FMN1: variants seen among roughly 807,000 people sequenced by gnomAD.
FMN1 encodes formin 1.
FMN1 carries 110 observed loss-of-function variants against 132.4 expected under a neutral mutation model. The observed-to-expected ratio is 0.83, with a 90% CI of 0.71 to 0.97. The LOEUF (loss-of-function observed/expected upper bound fraction) is 0.97. Ranked by LOEUF, FMN1 falls within the 50% of genes least tolerant of loss-of-function variation. FMN1 has a pLI of 0.00. For missense variants in FMN1, 1,792 were observed against 1,705.3 expected (o/e 1.05, Z -0.90); for synonymous variants, 722 against 651.7 (o/e 1.11, Z -1.64).
chr15:32,884,482 C>A (rs1953740047), intron 16 of FMN1, among the ~76,000 whole-genome samples: 1 of 152,142 alleles, frequency 6.6e-6, no homozygotes, highest in Admixed American at 6.5e-5. Flanking sequence ...TAGATTAGGC[C>A]CACTTGGACG....
chr15:32,921,038 T>C (rs1488068458), intron 10 of FMN1, among the ~76,000 whole-genome samples: 1 of 152,154 alleles, frequency 6.6e-6, no homozygotes, highest in South Asian at 2.1e-4. Context: ...GTGAGCAGTC[T>C]CCTTCTCAGA....
At chr15:33,150,679 T>A in intron 4 of FMN1, 1 of 985,538 alleles carries the variant, frequency 1.0e-6, no homozygotes, top group Non-Finnish European at 1.2e-6. Context: ...GTCTTCCAAC[T>A]GGAAACAGAT....
rs1452691069 is a variant in FMN1, at chr15:32,770,815, A to G, written c.*3495T>C. On this transcript the variant is annotated 3_prime_UTR_variant, in exon 21 of 21. Transcript: ENST00000616417. ...TAGCTCCACTGGGTTTCCTTATTCC[A>G]CTTCTCAGATTTCAGAAAATCTTTA... 1.3e-5 allele frequency: 2 copies of G among 151,090 alleles called. No homozygotes were observed. The highest frequency in any genetic ancestry group is 4.8e-5 in the African/African-American group (2 of 41,354). 9.4% of individuals were successfully genotyped at this position (151,090 alleles called of 1,614,324 possible).
intron 15 of FMN1, 79 bp downstream of exon 15, chr15:32,898,755 T>C: frequency 3.3e-6 from 3 of 922,912 alleles, no homozygotes; most frequent in South Asian, 1.4e-5. Flanking sequence ...AGTTCGTTCA[T>C]CCATCTATCC....
At chr15:33,108,008 G>T (rs2039551265) in intron 4 of FMN1, among the ~76,000 whole-genome samples, 1 of 152,044 alleles carries the variant, frequency 6.6e-6, no homozygotes, top group African/African-American at 2.4e-5. Context: ...CGTGTTATTG[G>T]GAGTGAGGGA....
Position 32,831,588 on chromosome 15 carries a change from T to A in FMN1, c.3928+25427A>T, listed in dbSNP as rs116115449. 7.8e-3 allele frequency among the ~76,000 whole-genome samples: 1,186 copies of A among 152,172 alleles called. 25 individuals carry two copies. Among genetic ancestry groups the A allele is most frequent in the African/African-American group, 0.028 (1,143 of 41,480 alleles). ...GTGGGGTGGGGAGGTTGGTATTGCA[T>A]AGGTCCAGGGAGGCAATCATGAGAC... is the stretch of plus-strand genomic sequence containing the variant. On this transcript the variant is annotated intron_variant, in intron 17 of 20. Transcript: ENST00000616417.
At chr15:33,014,772 C>G (rs967079827) in intron 6 of FMN1, among the ~76,000 whole-genome samples, 10 of 152,178 alleles carry the variant, frequency 6.6e-5, no homozygotes, top group African/African-American at 1.9e-4. Flanking sequence ...AAACATCCTT[C>G]CTGCCAGGTG....
intron 5 of FMN1, among the ~76,000 whole-genome samples, chr15:33,073,733 T>C (rs1182516205): frequency 1.1e-5 from 1 of 91,500 alleles, no homozygotes; most frequent in East Asian, 1.5e-3. Context: ...ACCTAGCTTG[T>C]TTTTTTTTTT....
At chr15:33,098,605 G>C (rs932208315) in intron 4 of FMN1, among the ~76,000 whole-genome samples, 4 of 152,198 alleles carry the variant, frequency 2.6e-5, no homozygotes, top group African/African-American at 9.7e-5. Flanking sequence ...CTTTCAGTTA[G>C]CTTTTTAGTA....
intron 17 of FMN1, among the ~76,000 whole-genome samples, chr15:32,817,669 G>A (rs2058095200): frequency 1.3e-5 from 2 of 152,216 alleles, no homozygotes; most frequent in Admixed American, 1.3e-4. Context: ...TGAACCATTA[G>A]CAGAAGCAAT....
At chr15:33,011,472 C>A (rs1164267668) in intron 6 of FMN1, among the ~76,000 whole-genome samples, 7 of 151,804 alleles carry the variant, frequency 4.6e-5, no homozygotes, top group African/African-American at 1.5e-4. Context: ...TAATAATTAT[C>A]TTATAAAATT....
chr15:32,969,497 G>A lies in FMN1; in HGVS notation c.2224-20C>T, dbSNP rs756561901. 1.9e-6 allele frequency: 3 copies of A among 1,607,730 alleles called. No individual in the cohort carries two copies. The highest frequency in any genetic ancestry group is 2.2e-5 in the East Asian group (1 of 44,820). ...CTGTGCCTATAGGAAAATTCAGAGG[G>A]AAAGAAAGTAATGAGTTTATTAAGA... On this transcript the variant is annotated intron_variant, in intron 7 of 20. Transcript: ENST00000616417.
chr15:32,937,930 CAT>C (rs2061316128), intron 9 of FMN1, among the ~76,000 whole-genome samples: 1 of 152,268 alleles, frequency 6.6e-6, no homozygotes. Flanking sequence ...TGTGAACACA[CAT>C]AGAAATGGTT....
At chr15:32,848,977 G>GTTTTTTTTTTTTTTTTTTTTTTTTTTTT in intron 17 of FMN1, among the ~76,000 whole-genome samples, 1 of 89,550 alleles carries the variant, frequency 1.1e-5, no homozygotes, top group Non-Finnish European at 2.1e-5. Flanking sequence ...GTTCTCTTTT[G>GTTTTTTTTTTTTTTTTTTTTTTTTTTTT]TTTTTTTTTT....
At chr15:33,105,699 ATATC>A (rs1379657616) in intron 4 of FMN1, 2 of 152,156 alleles carry the variant, frequency 1.3e-5, no homozygotes, top group Non-Finnish European at 2.9e-5. Context: ...CTTTCAATAA[ATATC>A]TACTTTTCCT....
intron 19 of FMN1, among the ~76,000 whole-genome samples, chr15:32,786,380 C>A (rs2056878377): frequency 6.6e-6 from 1 of 152,118 alleles, no homozygotes; most frequent in Non-Finnish European, 1.5e-5. Flanking sequence ...AATGACTCAC[C>A]AGTCTGACTA....
At chr15:32,855,011 T>A (rs2059095361) in intron 17 of FMN1, among the ~76,000 whole-genome samples, 1 of 149,500 alleles carries the variant, frequency 6.7e-6, no homozygotes, top group Non-Finnish European at 1.5e-5. Flanking sequence ...AGTGTAGGAG[T>A]ATACAATTAA....
chr15:33,015,326 AG>A (rs551665967), intron 6 of FMN1, among the ~76,000 whole-genome samples: 321 of 152,284 alleles, frequency 2.1e-3, no homozygotes, highest in African/African-American at 7.3e-3. Flanking sequence ...TTTTAATCAC[AG>A]GGAGGTTTGA....
chr15:33,058,214 A>T (rs1269059493), intron 6 of FMN1, among the ~76,000 whole-genome samples: 1 of 152,198 alleles, frequency 6.6e-6, no homozygotes, highest in Non-Finnish European at 1.5e-5. Flanking sequence ...GGAGATTTGC[A>T]GAACAGAAGA....
Sources: allele counts gnomAD v4.1 joint callset (sites outside exome capture counted in the v4.1 genomes callset), GRCh38; gene constraint gnomAD v4.1.1; transcripts MANE v1.5; gene names NCBI Gene and HGNC (gene_info 2026-07-23, HGNC 2026-07-21).